Variants in FAM83A observed in about 807,000 individuals in gnomAD.
The protein encoded by FAM83A is protein FAM83A.
FAM83A carries 21 observed loss-of-function variants against 24.4 expected under a neutral mutation model. The ratio of observed to expected loss-of-function variants is 0.86; its 90% CI spans 0.61 to 1.24. The LOEUF (loss-of-function observed/expected upper bound fraction) is 1.24. Ranked by LOEUF, FAM83A falls within the 50% of genes most tolerant of loss-of-function variation. The pLI, the probability that FAM83A is intolerant of heterozygous loss-of-function variation, is 0.00. For missense variants in FAM83A, 617 were observed against 579.8 expected, an observed-to-expected ratio of 1.06 and a Z score of -0.66; for synonymous variants, 270 against 252.4, an observed-to-expected ratio of 1.07 and a Z score of -0.66.
Position 123,209,612 on chromosome 8 carries a change from G to A in FAM83A, c.*1924G>A. The A allele has an allele frequency of 6.4e-7, 1 of 1,566,526 alleles. No homozygotes were observed. The highest frequency in any genetic ancestry group is 1.1e-5 in the South Asian group (1 of 88,218). On this transcript the variant is annotated 3_prime_UTR_variant, in exon 4 of 4. Transcript: ENST00000690554. This position sits in a 1 kb window ranked among gnomAD's most constrained non-coding sequence, Gnocchi z 4.7. ...CATCTGCTGAGAAAGTTTAAGGAAG[G>A]CAAAGCTTGCCAGGTCACAGAAGCT...
In FAM83A at chr8:123,209,440, C is replaced by A. The variant is rs868436556; in HGVS notation, c.*1752C>A. On this transcript the variant is annotated 3_prime_UTR_variant, in exon 4 of 4. Coordinates refer to ENST00000690554, the Ensembl canonical transcript of FAM83A. This position sits in a 1 kb window ranked among gnomAD's most constrained non-coding sequence, Gnocchi z 4.7. ...TTCCTCCTTAGTTCCTGAAAGTAAA[C>A]AAAACAAAACAAAAACAAAAAAACA... 6.2e-7 allele frequency: 1 copy of A among 1,613,600 alleles called. No homozygotes were observed. The highest frequency in any genetic ancestry group is 1.1e-5 in the South Asian group (1 of 91,054).
chr8:123,189,843 A>C (rs1823912679), intron 1 of FAM83A, among the ~76,000 whole-genome samples: 1 of 152,180 alleles, frequency 6.6e-6, no homozygotes, highest in Non-Finnish European at 1.5e-5. Flanking sequence ...TGTCGTCAGG[A>C]CTTCCTCGGG....
chr8:123,193,621 C>A (rs1410953703), intron 2 of FAM83A, among the ~76,000 whole-genome samples: 1 of 152,200 alleles, frequency 6.6e-6, no homozygotes, highest in African/African-American at 2.4e-5. Flanking sequence ...TCCATCACAG[C>A]TGCTATAACA....
At chr8:123,199,043 A>C (rs1824259221) in intron 3 of FAM83A, among the ~76,000 whole-genome samples, 1 of 152,138 alleles carries the variant, frequency 6.6e-6, no homozygotes, top group Non-Finnish European at 1.5e-5. Context: ...CCCAGCTTCT[A>C]TACCCAACTT....
intron 3 of FAM83A, among the ~76,000 whole-genome samples, chr8:123,198,292 G>A (rs963981073): frequency 1.3e-5 from 2 of 152,046 alleles, no homozygotes; most frequent in African/African-American, 4.8e-5. Flanking sequence ...GCCCTCCCAG[G>A]ACCCACTAGC....
chr8:123,201,449 C>T (rs1824353926), intron 3 of FAM83A: 1 of 152,214 alleles, frequency 6.6e-6, no homozygotes, highest in African/African-American at 2.4e-5. Context: ...GTGGAGGAGC[C>T]AGCTCCTGGA....
At chr8:123,195,167 G>T (rs1184966573) in intron 3 of FAM83A, among the ~76,000 whole-genome samples, 1 of 152,198 alleles carries the variant, frequency 6.6e-6, no homozygotes, top group Non-Finnish European at 1.5e-5. Flanking sequence ...GAGTGCAGAG[G>T]AGGGCAACTG....
At chr8:123,198,601 G>A (rs141924972) in intron 3 of FAM83A, among the ~76,000 whole-genome samples, 53 of 152,278 alleles carry the variant, frequency 3.5e-4, no homozygotes, top group African/African-American at 1.1e-3. Flanking sequence ...ACACCTTCAG[G>A]AAAACAGAAT....
At chr8:123,203,546 C>A (rs1824431117) in intron 3 of FAM83A, among the ~76,000 whole-genome samples, 1 of 143,626 alleles carries the variant, frequency 7.0e-6, no homozygotes, top group South Asian at 2.2e-4. Flanking sequence ...TGAGATCAAG[C>A]CACTGCACTC....
intron 1 of FAM83A, among the ~76,000 whole-genome samples, chr8:123,186,871 C>T (rs1480184058): frequency 6.6e-6 from 1 of 152,128 alleles, no homozygotes; most frequent in African/African-American, 2.4e-5. Flanking sequence ...CCTAATGTGC[C>T]CCCACACCCA....
At chr8:123,182,888 G>T in exon 1 of FAM83A, 1 of 1,523,440 alleles carries the variant, frequency 6.6e-7, no homozygotes, top group Admixed American at 2.2e-5. Context: ...GGCAAAATCC[G>T]GAAGCGTCTG....
At chr8:123,182,727 C>G (rs1488622305) in exon 1 of FAM83A, 1 of 1,370,846 alleles carries the variant, frequency 7.3e-7, no homozygotes, top group Admixed American at 2.1e-5. Context: ...GCCCTGCACG[C>G]CGGTCCTGGG....
At chr8:123,181,625 C>T (rs78522438), upstream of FAM83A, 858 of 175,918 alleles carry the variant, frequency 4.9e-3, 8 homozygotes, top group African/African-American at 0.019. Context: ...AGATAAACTC[C>T]GCAGCTTTCT....
At chr8:123,189,436 T>G (rs905679083) in intron 1 of FAM83A, among the ~76,000 whole-genome samples, 1 of 152,216 alleles carries the variant, frequency 6.6e-6, no homozygotes, top group African/African-American at 2.4e-5. Flanking sequence ...GGAAACTTAT[T>G]ATTACAGGTA....
intron 3 of FAM83A, among the ~76,000 whole-genome samples, chr8:123,200,988 C>T (rs59718841): frequency 0.038 from 5,470 of 145,646 alleles, 375 homozygotes; most frequent in African/African-American, 0.13. Flanking sequence ...TATATATACA[C>T]ATATATACAA....
upstream of FAM83A, chr8:123,179,574 A>G (rs1371333854): frequency 6.6e-6 from 1 of 152,236 alleles, no homozygotes; most frequent in African/African-American, 2.4e-5. Flanking sequence ...GCAGAATCCT[A>G]TGATCAACTA....
intron 1 of FAM83A, among the ~76,000 whole-genome samples, chr8:123,187,323 G>A (rs568299735): frequency 3.3e-5 from 5 of 152,158 alleles, no homozygotes; most frequent in African/African-American, 9.7e-5. Flanking sequence ...TTCAGCGGCC[G>A]TAAGACCCTG....
intron 3 of FAM83A, among the ~76,000 whole-genome samples, 194 bp downstream of exon 3, chr8:123,194,342 A>G (rs1824074993): frequency 6.6e-6 from 1 of 152,240 alleles, no homozygotes; most frequent in African/African-American, 2.4e-5. Context: ...CAAGAATTCC[A>G]GGTAGAGAGG....
intron 3 of FAM83A, chr8:123,201,250 G>A (rs1586787076): frequency 2.0e-5 from 3 of 152,386 alleles, no homozygotes; most frequent in Middle Eastern, 6.8e-3. Flanking sequence ...AGTGGGGTGG[G>A]GGATTTAGGC....
Sources: gnomAD v4.1 joint callset for allele counts (sites outside exome capture counted in the v4.1 genomes callset) on GRCh38, gnomAD v4.1.1 for gene constraint, Gnocchi (gnomAD v3.1) non-coding constraint, MANE v1.5 for transcripts, NCBI Gene and HGNC (gene_info 2026-07-23, HGNC 2026-07-21) for gene names.